The following PRELID2 variants were observed in gnomAD, a reference collection of about 807,000 sequenced individuals.
PRELID2 encodes the protein PRELI domain containing 2, also known as PRELI domain-containing protein 2.
A neutral mutation model predicts 28.4 loss-of-function variants in PRELID2; 25 were observed. The ratio of observed to expected loss-of-function variants is 0.88; its 90% CI spans 0.64 to 1.23. The LOEUF is 1.23. Among genes scored for constraint, PRELID2 ranks in the 50% most tolerant of loss-of-function variants. The pLI is 0.00. For missense variants in PRELID2, 201 were observed against 214.4 expected (o/e 0.94, Z 0.39); for synonymous variants, 76 against 71.6 (o/e 1.06, Z -0.31).
At chr5:145,236,996 G>A in the PRELID2 span, among the ~76,000 whole-genome samples, 1 of 152,158 alleles carries the variant, frequency 6.6e-6, no homozygotes, top group Non-Finnish European at 1.5e-5. Flanking sequence ...GCCTTGAGAT[G>A]TGCTTTCACC....
At chr5:145,822,568 T>C (rs1449356345) in intron 2 of PRELID2, among the ~76,000 whole-genome samples, 1 of 152,226 alleles carries the variant, frequency 6.6e-6, no homozygotes, top group African/African-American at 2.4e-5. Context: ...AAGCCATCAC[T>C]TTATAGTCAT....
chr5:145,539,957 T>C (rs1005636562), intron 1 of PRELID2, among the ~76,000 whole-genome samples: 10 of 151,870 alleles, frequency 6.6e-5, no homozygotes, highest in African/African-American at 4.8e-5. Flanking sequence ...AATGAAATTA[T>C]GATTGTCGCT....
At chr5:145,563,446 C>G (rs1014790828) in intron 1 of PRELID2, among the ~76,000 whole-genome samples, 8 of 152,154 alleles carry the variant, frequency 5.3e-5, no homozygotes, top group Non-Finnish European at 1.2e-4. Context: ...CATTTTGAAC[C>G]ATGTTTCTGT....
At chr5:145,354,812 T>G in the PRELID2 span, among the ~76,000 whole-genome samples, 1 of 152,150 alleles carries the variant, frequency 6.6e-6, no homozygotes, top group South Asian at 2.1e-4. Context: ...ATTATGCCAC[T>G]TAGGGCAGGG....
At chr5:145,230,206 C>A in the PRELID2 span, among the ~76,000 whole-genome samples, 4 of 152,076 alleles carry the variant, frequency 2.6e-5, no homozygotes, top group Non-Finnish European at 5.9e-5. Flanking sequence ...CGTGGTCCCC[C>A]CAAAGCCTGT....
the PRELID2 span, among the ~76,000 whole-genome samples, chr5:145,459,661 C>A: frequency 6.6e-6 from 1 of 151,928 alleles, no homozygotes; most frequent in Non-Finnish European, 1.5e-5. Context: ...TTAAAATAAT[C>A]TTCATTCTGA....
chr5:145,333,368 A>G, the PRELID2 span, among the ~76,000 whole-genome samples: 2 of 152,200 alleles, frequency 1.3e-5, no homozygotes, highest in Non-Finnish European at 2.9e-5. Flanking sequence ...AGGTGTGCCC[A>G]CAGCTTCCCC....
chr5:145,254,797 G>A, the PRELID2 span, among the ~76,000 whole-genome samples: 66 of 152,072 alleles, frequency 4.3e-4, no homozygotes, highest in African/African-American at 1.5e-3. Context: ...TGAGAGATGG[G>A]CAAGAGAAAT....
At chr5:145,263,711 A>C in the PRELID2 span, among the ~76,000 whole-genome samples, 3 of 152,222 alleles carry the variant, frequency 2.0e-5, no homozygotes, top group Admixed American at 2.0e-4. Flanking sequence ...TACTATGAAC[A>C]CCTTTACATG....
chr5:145,374,270 G>C, the PRELID2 span, among the ~76,000 whole-genome samples: 3 of 151,972 alleles, frequency 2.0e-5, no homozygotes, highest in African/African-American at 7.2e-5. Context: ...GTGAAATTCT[G>C]GGTTGACAAT....
At chr5:145,517,057 C>T (rs538935704) in intron 1 of PRELID2, among the ~76,000 whole-genome samples, 1 of 152,128 alleles carries the variant, frequency 6.6e-6, no homozygotes, top group African/African-American at 2.4e-5. Flanking sequence ...TAGACAATAC[C>T]ATTCAGGACA....
At chr5:145,686,119 A>C (rs1236647332) in intron 1 of PRELID2, among the ~76,000 whole-genome samples, 1 of 152,170 alleles carries the variant, frequency 6.6e-6, no homozygotes, top group African/African-American at 2.4e-5. Flanking sequence ...AGGAAATTAC[A>C]CATGTAAACC....
chr5:145,688,470 C>T (rs1321381765), intron 1 of PRELID2, among the ~76,000 whole-genome samples: 1 of 152,188 alleles, frequency 6.6e-6, no homozygotes, highest in Non-Finnish European at 1.5e-5. Flanking sequence ...GCATTGCTCT[C>T]AAGCAGCTTG....
chr5:145,671,225 G>T (rs1036019786), intron 1 of PRELID2, among the ~76,000 whole-genome samples: 2 of 152,148 alleles, frequency 1.3e-5, no homozygotes, highest in Non-Finnish European at 2.9e-5. Flanking sequence ...TCGCTATACA[G>T]ATTTCAGGCA....
chr5:145,478,864 G>A (rs1403307448), intron 1 of PRELID2, among the ~76,000 whole-genome samples: 1 of 152,162 alleles, frequency 6.6e-6, no homozygotes. Context: ...CTACTCTGTT[G>A]ATAACAAAAT....
intron 1 of PRELID2, among the ~76,000 whole-genome samples, chr5:145,623,188 T>C (rs1401358045): frequency 2.6e-5 from 4 of 151,502 alleles, no homozygotes; most frequent in East Asian, 1.9e-4. Flanking sequence ...TGGTGGCTCA[T>C]GCCTGTAATC....
chr5:145,424,067 C>T, the PRELID2 span, among the ~76,000 whole-genome samples: 4 of 151,138 alleles, frequency 2.6e-5, no homozygotes, highest in Admixed American at 2.6e-4. Context: ...GGGTCAGGGA[C>T]CCACTTGAGG....
intron 1 of PRELID2, among the ~76,000 whole-genome samples, chr5:145,586,805 T>C (rs564096998): frequency 6.6e-6 from 1 of 152,122 alleles, no homozygotes; most frequent in Non-Finnish European, 1.5e-5. Flanking sequence ...CCAGAGAACT[T>C]ACATAACTTG....
chr5:145,317,031 G>C, the PRELID2 span, among the ~76,000 whole-genome samples: 1 of 152,334 alleles, frequency 6.6e-6, no homozygotes, highest in African/African-American at 2.4e-5. Flanking sequence ...CCGGGGTCAA[G>C]AGTGATAGAA....
Sources: gnomAD v4.1 joint callset for allele counts (sites outside exome capture counted in the v4.1 genomes callset) on GRCh38, gnomAD v4.1.1 for gene constraint, MANE v1.5 for transcripts, NCBI Gene and HGNC (gene_info 2026-07-23, HGNC 2026-07-21) for gene names.